ECE2: variants seen among roughly 807,000 people sequenced by gnomAD.
ECE2 encodes the protein endothelin converting enzyme 2, also known as endothelin-converting enzyme 2.
In ECE2, 81 loss-of-function variants were observed where a neutral mutation model predicts 100.6. That is an observed-to-expected ratio of 0.81 (90% CI 0.67 to 0.97). The LOEUF is 0.97. ECE2 is among the 50% of genes least tolerant of loss of function. The pLI is 0.00. For synonymous variants in ECE2, 391 were observed against 391.5 expected, an observed-to-expected ratio of 1.00 and a Z score of 0.02; for missense variants, 911 against 988.1, an observed-to-expected ratio of 0.92 and a Z score of 1.05.
chr3:184,276,219 G>T, intron 1 of ECE2, 27 bp downstream of exon 1: 4 of 1,442,186 alleles, frequency 2.8e-6, no homozygotes, highest in Non-Finnish European at 2.7e-6. Context: ...GGCTCCACGG[G>T]AGGGGACTGG....
intron 1 of ECE2, 64 bp from the exon 2 acceptor site, chr3:184,276,417 G>C (rs1720550732): frequency 6.4e-7 from 1 of 1,553,490 alleles, no homozygotes; most frequent in South Asian, 1.2e-5. Flanking sequence ...GAGCACTGGG[G>C]CAGGGTCGTG....
At chr3:184,285,210 G>T in intron 9 of ECE2, 105 bp downstream of exon 9, 1 of 1,442,618 alleles carries the variant, frequency 6.9e-7, no homozygotes, top group South Asian at 1.3e-5. Flanking sequence ...GTAATGCTAT[G>T]GGCCTTCCAA....
intron 11 of ECE2, 102 bp downstream of exon 11, chr3:184,288,049 G>A (rs1258462533): frequency 5.6e-6 from 6 of 1,078,702 alleles, no homozygotes; most frequent in East Asian, 2.7e-5. Flanking sequence ...GGTGGCTCAC[G>A]CCGGTAATCC....
intron 3 of ECE2, 79 bp from the exon 4 acceptor site, chr3:184,277,172 C>T (rs1303933705): frequency 1.5e-5 from 24 of 1,603,454 alleles, no homozygotes; most frequent in Non-Finnish European, 2.0e-5. Flanking sequence ...TTCCTGCTGT[C>T]ATGGCCCTTG....
chr3:184,279,309 C>CAAAAAAAA (rs60647349), intron 7 of ECE2, among the ~76,000 whole-genome samples: 1 of 79,154 alleles, frequency 1.3e-5, no homozygotes, highest in Non-Finnish European at 2.4e-5. Context: ...GACTCCGACT[C>CAAAAAAAA]AAAAAAAAAA....
At position 184,291,758 on chromosome 3, in the gene ECE2, A is replaced by T. The variant is rs1172750166; in HGVS notation, c.2122-304A>T. 11 of 514,930 alleles carry T rather than the reference A, an allele frequency of 2.1e-5. No homozygotes were observed. Among genetic ancestry groups the T allele is most frequent in the Non-Finnish European group, 3.4e-5 (10 of 290,574 alleles). The allele number at this position is 514,930 out of a possible 1,614,324, so 31.9% of individuals were successfully genotyped here. A position where few individuals can be genotyped will look rare whatever the true frequency, so the allele number is the denominator to read the frequency against. ...CTCACGCTGTTCCTGTGAGGGAGAC[A>T]TGCAGGAAACGAAAGCTCGGGACGC... On this transcript the variant is annotated intron_variant, in intron 18 of 18. Transcript: ENST00000404464. This position sits in a 1 kb window ranked among gnomAD's most constrained non-coding sequence, Gnocchi z 4.1.
At position 184,288,928 on chromosome 3, in the gene ECE2, G is replaced by A. The variant is rs371466679; in HGVS notation, c.1375-509G>A. On this transcript the variant is annotated intron_variant, in intron 11 of 18. Transcript: ENST00000404464. ...TCCCAGCACTTTGGGAGGCTGAGGC[G>A]GGTGGATCACGTGGTCAGGAGTTCA... Among the ~76,000 whole-genome samples, 15 of 152,184 alleles carry A rather than the reference G, an allele frequency of 9.9e-5. No individual in the cohort carries two copies. The East Asian group carries it at 2.3e-3, about 24-fold the overall frequency.
intron 1 of ECE2, 63 bp downstream of exon 1, chr3:184,276,255 C>A: frequency 1.4e-6 from 2 of 1,435,010 alleles, no homozygotes; most frequent in South Asian, 2.9e-5. Context: ...GCAGAGGGGT[C>A]GGCCGCGGAG....
At chr3:184,278,730 T>C in intron 7 of ECE2, 173 bp downstream of exon 7, 3 of 645,780 alleles carry the variant, frequency 4.6e-6, no homozygotes, top group Non-Finnish European at 7.9e-6. Context: ...CTCCCTTTCT[T>C]CCCCTTTTCC....
rs10652404 is a variant in ECE2, at chr3:184,279,656, CAAA to C, written c.816+1113_816+1115del. ...TGGGCAACAGAACAAGACTTCATCT[CAAA>C]AAAAAAAAAAAAAGTGTTGACGAGG... On this transcript the variant is annotated intron_variant, in intron 7 of 18. Coordinates refer to ENST00000404464, the MANE Select transcript of ECE2 (RefSeq NM_001100121.2). Among the ~76,000 whole-genome samples, 572 of 128,124 alleles carry C rather than the reference CAAA, an allele frequency of 4.5e-3. 3 individuals are homozygous for C. Among genetic ancestry groups the C allele is most frequent in the African/African-American group, 0.016 (549 of 33,342 alleles). 84.1% of individuals were successfully genotyped at this position (128,124 alleles called of 152,430 possible).
In ECE2 at chr3:184,289,844, G is replaced by C. The variant is rs1721231599; in HGVS notation, c.1551+126G>C. ...TCGGTTTCTTTTAGAGGCAGATGGAGGTAACCAGCATTGTTAAAATGTTGG... is the reference window on the plus strand; with the variant it reads ...TCGGTTTCTTTTAGAGGCAGATGGACGTAACCAGCATTGTTAAAATGTTGG... On this transcript the variant is annotated intron_variant, in intron 13 of 18. Coordinates refer to ENST00000404464, the MANE Select transcript of ECE2 (RefSeq NM_001100121.2). The surrounding 1 kb of genome is among the most constrained non-coding windows in gnomAD (Gnocchi z 4.1). 3 of 808,554 alleles carry C rather than the reference G, an allele frequency of 3.7e-6. No individual in the cohort carries two copies. Among genetic ancestry groups the C allele is most frequent in the Admixed American group, 3.0e-5 (1 of 33,544 alleles). 50.1% of individuals were successfully genotyped at this position (808,554 alleles called of 1,614,324 possible).
chr3:184,276,417 G>T, intron 1 of ECE2, 64 bp from the exon 2 acceptor site: 1 of 1,553,608 alleles, frequency 6.4e-7, no homozygotes, highest in Non-Finnish European at 8.7e-7. Context: ...GAGCACTGGG[G>T]CAGGGTCGTG....
intron 10 of ECE2, among the ~76,000 whole-genome samples, chr3:184,286,796 TAAAAAAAAA>T: frequency 8.2e-6 from 1 of 121,930 alleles, no homozygotes; most frequent in Admixed American, 8.7e-5. Context: ...AAACTCTGTT[TAAAAAAAAA>T]AAAAAAAAAA....
In ECE2 at chr3:184,289,424, T is replaced by A; in HGVS notation, c.1375-13T>A. On this transcript the variant is annotated splice_polypyrimidine_tract_variant and intron_variant, in intron 11 of 18. Coordinates refer to ENST00000404464, the MANE Select transcript of ECE2 (RefSeq NM_001100121.2). This position sits in a 1 kb window ranked among gnomAD's most constrained non-coding sequence, Gnocchi z 4.1. ...AGTGCAGGGGAAGGCTGACTTTACC[T>A]CCTCCCTCCCAGGCAGAGGGGATGA... 6.3e-7 allele frequency: 1 copy of A among 1,590,216 alleles called. No homozygotes were observed. The highest frequency in any genetic ancestry group is 8.6e-7 in the Non-Finnish European group (1 of 1,168,096).
At position 184,289,664 on chromosome 3, in the gene ECE2, T is replaced by A. The variant is rs1376997184; in HGVS notation, c.1497T>A (p.Ile499=). Residue 499 remains isoleucine, a synonymous_variant, in exon 13 of 19, where the codon ATT becomes ATA. Transcript: ENST00000404464. This position sits in a 1 kb window ranked among gnomAD's most constrained non-coding sequence, Gnocchi z 4.1. ...AGGCAGATGCCATCTATGATATGATTGGTTTCCCAGACTTTATCCTGGAGC... is the reference window on the plus strand; with the variant it reads ...AGGCAGATGCCATCTATGATATGATAGGTTTCCCAGACTTTATCCTGGAGC... ...KEKADAIYDM[I]GFPDFILEPK... 6.2e-7 allele frequency: 1 copy of A among 1,613,774 alleles called. No individual in the cohort carries two copies. Among genetic ancestry groups the A allele is most frequent in the South Asian group, 1.1e-5 (1 of 91,030 alleles).
In ECE2 at chr3:184,283,859, G is replaced by C. The variant is rs1272652286; in HGVS notation, c.891G>C (p.Glu297Asp). 1.2e-6 allele frequency: 2 copies of C among 1,613,958 alleles called. No homozygotes were observed. The highest frequency in any genetic ancestry group is 3.3e-5 in the Admixed American group (2 of 59,986). The change falls in exon 8 of 19, where the codon GAG becomes GAC. Residue 297 changes from glutamate (E) to aspartate (D), a missense_variant. Glu to Asp is a conservative substitution (Grantham distance 45). Coordinates refer to ENST00000404464, the MANE Select transcript of ECE2 (RefSeq NM_001100121.2). The stretch of plus-strand genomic sequence containing the variant: ...GTGGGCGGCCCACCTCCACGAGGGA[G>C]CAGATGCAGCAGGTGCTGGAGTTGG... The part of the protein sequence containing the change: ...LLGGRPTSTR[E>D]QMQQVLELEI...
Position 184,289,371 on chromosome 3 carries a change from G to C in ECE2, c.1375-66G>C. ...GGGTGGACAGGGATGGGGCACCAAGGGTGGATGGGTGGGGCAGGGATGCAT... is the reference window on the plus strand; with the variant it reads ...GGGTGGACAGGGATGGGGCACCAAGCGTGGATGGGTGGGGCAGGGATGCAT... On this transcript the variant is annotated intron_variant, in intron 11 of 18. Transcript: ENST00000404464. This position sits in a 1 kb window ranked among gnomAD's most constrained non-coding sequence, Gnocchi z 4.1. The C allele has an allele frequency of 6.8e-7, 1 of 1,464,886 alleles. No homozygotes were observed. Among genetic ancestry groups the C allele is most frequent in the Non-Finnish European group, 9.4e-7 (1 of 1,069,032 alleles). The allele number at this position is 1,464,886 out of a possible 1,614,324, so 90.7% of individuals were successfully genotyped here.
chr3:184,276,871 C>A (rs1169197275), intron 2 of ECE2, 21 bp from the exon 3 acceptor site: 1 of 1,613,212 alleles, frequency 6.2e-7, no homozygotes, highest in Non-Finnish European at 8.5e-7. Context: ...CAGTCACTCT[C>A]TGTCCCCCTG....
In ECE2 at chr3:184,287,884, C is replaced by G. The variant is rs1447457238; in HGVS notation, c.1311C>G (p.Ala437=). ...CCTGCATCTCCAACACGGATGACGC[C>G]CTTGGCTTTGCTTTGGGGTCCCTCT... ...WQTCISNTDD[A]LGFALGSLFV... Residue 437 remains alanine, a synonymous_variant, in exon 11 of 19, where the codon GCC becomes GCG. Transcript: ENST00000404464. 2.5e-6 allele frequency: 4 copies of G among 1,614,184 alleles called. No homozygotes were observed. Among genetic ancestry groups the G allele is most frequent in the Non-Finnish European group, 2.5e-6 (3 of 1,180,040 alleles).
Sources: allele counts gnomAD v4.1 joint callset (sites outside exome capture counted in the v4.1 genomes callset), GRCh38; gene constraint gnomAD v4.1.1; non-coding constraint Gnocchi (gnomAD v3.1); transcripts MANE v1.5; gene names NCBI Gene and HGNC (gene_info 2026-07-23, HGNC 2026-07-21).